Variants in DAD1 observed in about 807,000 individuals in gnomAD.
DAD1 encodes the protein dolichyl-diphosphooligosaccharide--protein glycosyltransferase subunit DAD1.
In DAD1, 4 loss-of-function variants were observed where a neutral mutation model predicts 9.0. The ratio of observed to expected loss-of-function variants is 0.44; its 90% CI spans 0.22 to 1.01. The LOEUF (loss-of-function observed/expected upper bound fraction) is 1.01. DAD1 is among the 50% of genes least tolerant of loss of function. DAD1 has a pLI of 0.24. For synonymous variants in DAD1, 60 were observed against 62.5 expected (o/e 0.96, Z 0.19); for missense variants, 119 against 137.3 (o/e 0.87, Z 0.67).
chr14:22,580,172 T>G (rs1428937045), intron 1 of DAD1, among the ~76,000 whole-genome samples: 1 of 152,036 alleles, frequency 6.6e-6, no homozygotes, highest in African/African-American at 2.4e-5. Flanking sequence ...AACCCCAGCA[T>G]GTTGTGAAAC....
At chr14:22,573,192 T>C (rs1184927012) in intron 2 of DAD1, among the ~76,000 whole-genome samples, 2 of 151,964 alleles carry the variant, frequency 1.3e-5, no homozygotes, top group African/African-American at 2.4e-5. Context: ...TTTTTTTTTT[T>C]AATTGAGATA....
intron 2 of DAD1, among the ~76,000 whole-genome samples, chr14:22,568,452 C>G (rs187963072): frequency 2.0e-5 from 3 of 152,134 alleles, no homozygotes; most frequent in Non-Finnish European, 1.5e-5. Flanking sequence ...GAATAAAAAG[C>G]AACGATTAAG....
chr14:22,572,893 T>C (rs1040027894), intron 2 of DAD1, among the ~76,000 whole-genome samples: 1 of 152,202 alleles, frequency 6.6e-6, no homozygotes, highest in African/African-American at 2.4e-5. Context: ...GTTACTCATA[T>C]TTGCAAGCGT....
intron 2 of DAD1, among the ~76,000 whole-genome samples, chr14:22,569,446 AAG>A (rs1491011545): frequency 6.6e-6 from 1 of 152,120 alleles, no homozygotes; most frequent in African/African-American, 2.4e-5. Flanking sequence ...AAAAAAAAAA[AAG>A]GTTTATTCAT....
rs1410076136 is a variant in DAD1, at chr14:22,575,113, A to C, written c.332T>G (p.Phe111Cys). 1 of 1,613,962 alleles carries C rather than the reference A, an allele frequency of 6.2e-7. No individual in the cohort carries two copies. Residue 111 changes from phenylalanine to cysteine, a missense_variant, in exon 2 of 3, where the codon TTT becomes TGT. Transcript: ENST00000250498. ...STILHLVVMN[F>C]VG The stretch of plus-strand genomic sequence containing the variant: ...GTAAATGAGAATGATTCAGCCAACA[A>C]AGTTCATGACAACAAGGTGCAGGAT...
chr14:22,577,229 T>A (rs1225022736), intron 1 of DAD1, among the ~76,000 whole-genome samples: 1 of 151,936 alleles, frequency 6.6e-6, no homozygotes, highest in Non-Finnish European at 1.5e-5. Context: ...AGGTCAGGAG[T>A]TCGAGACCAG....
intron 1 of DAD1, among the ~76,000 whole-genome samples, chr14:22,586,072 GGCA>G (rs1219660305): frequency 6.6e-6 from 1 of 152,166 alleles, no homozygotes; most frequent in Non-Finnish European, 1.5e-5. Context: ...TGGACGTGGT[GGCA>G]GGCGCCTGCA....
chr14:22,584,402 G>A (rs1000917584), intron 1 of DAD1, among the ~76,000 whole-genome samples: 4 of 152,000 alleles, frequency 2.6e-5, no homozygotes, highest in Non-Finnish European at 4.4e-5. Flanking sequence ...TCAATCTGCT[G>A]GAGAGTCAGG....
Position 22,575,251 on chromosome 14 carries a change from C to T in DAD1, c.212-18G>A. The T allele has an allele frequency of 6.2e-7, 1 of 1,608,154 alleles. No homozygotes were observed. Among genetic ancestry groups the T allele is most frequent in the South Asian group, 1.1e-5 (1 of 89,840 alleles). On this transcript the variant is annotated intron_variant, in intron 1 of 2. Transcript: ENST00000250498. ...CAGGCAAACTGCACAAGAAGCAAAA[C>T]ACAAAAAAATGATTATATAGAAGTA...
intron 1 of DAD1, among the ~76,000 whole-genome samples, chr14:22,588,237 G>C (rs550882612): frequency 6.6e-6 from 1 of 152,372 alleles, no homozygotes; most frequent in East Asian, 1.9e-4. Context: ...GGTGATACCA[G>C]TGATAGAGGC....
At chr14:22,588,826 A>G in intron 1 of DAD1, 121 bp downstream of exon 1, 2 of 971,996 alleles carry the variant, frequency 2.1e-6, no homozygotes, top group Non-Finnish European at 1.5e-6. Flanking sequence ...TCACAACAAA[A>G]GGGCAATGCA....
At chr14:22,573,336 A>C (rs1231992795) in intron 2 of DAD1, among the ~76,000 whole-genome samples, 1 of 152,090 alleles carries the variant, frequency 6.6e-6, no homozygotes, top group African/African-American at 2.4e-5. Flanking sequence ...TATTCCCAAC[A>C]ACAAGACATT....
At position 22,585,409 on chromosome 14, in the gene DAD1, G is replaced by A. The variant is rs887963132; in HGVS notation, c.211+3538C>T. ...GGGCAAAAAAGGAAACTAAAGGGTT[G>A]CCAACACTGGAATATAACTCTAAAA... On this transcript the variant is annotated intron_variant, in intron 1 of 2. Coordinates refer to ENST00000250498, the MANE Select transcript of DAD1 (RefSeq NM_001344.4). 2.0e-5 allele frequency among the ~76,000 whole-genome samples: 3 copies of A among 152,190 alleles called. No individual in the cohort carries two copies. The East Asian group carries it at 5.8e-4, about 29-fold the overall frequency.
chr14:22,589,214 A>C lies in DAD1; in HGVS notation c.-57T>G, dbSNP rs2037176182. ...CAAACTCTTGGAGGACCCGTCGACC[A>C]CACCGGATGTGCTGTTTGCGCATGC... On this transcript the variant is annotated 5_prime_UTR_variant, in exon 1 of 3. Coordinates refer to ENST00000250498, the MANE Select transcript of DAD1 (RefSeq NM_001344.4). The C allele has an allele frequency of 7.6e-6, 12 of 1,578,950 alleles. No homozygotes were observed. The highest frequency in any genetic ancestry group is 1.0e-5 in the Non-Finnish European group (12 of 1,151,054).
intron 1 of DAD1, among the ~76,000 whole-genome samples, chr14:22,586,987 T>G (rs542767600): frequency 1.3e-5 from 2 of 152,334 alleles, no homozygotes; most frequent in South Asian, 4.1e-4. Flanking sequence ...TTGGCCCCAT[T>G]ACTAATATGC....
intron 1 of DAD1, among the ~76,000 whole-genome samples, chr14:22,585,834 T>G (rs747926377): frequency 6.6e-6 from 1 of 151,868 alleles, no homozygotes; most frequent in Admixed American, 6.6e-5. Context: ...CAAAAAAAAA[T>G]AGAGAAGATT....
In DAD1 at chr14:22,589,224, T is replaced by A. The variant is rs538033642; in HGVS notation, c.-67A>T. 231 of 1,552,554 alleles carry A rather than the reference T, an allele frequency of 1.5e-4. 6 individuals are homozygous for A. In the South Asian group the frequency reaches 2.5e-3, roughly 17 times the overall value. On this transcript the variant is annotated 5_prime_UTR_variant, in exon 1 of 3. Transcript: ENST00000250498. The stretch of plus-strand genomic sequence containing the variant: ...GAGGACCCGTCGACCACACCGGATG[T>A]GCTGTTTGCGCATGCGCACCCTCGT...
intron 2 of DAD1, among the ~76,000 whole-genome samples, chr14:22,572,595 C>A (rs2037048908): frequency 6.6e-6 from 1 of 152,164 alleles, no homozygotes; most frequent in Non-Finnish European, 1.5e-5. Context: ...TTAATATGGT[C>A]TGCAGTACAC....
intron 1 of DAD1, among the ~76,000 whole-genome samples, chr14:22,588,353 T>C (rs1308952545): frequency 6.6e-6 from 1 of 152,188 alleles, no homozygotes; most frequent in Non-Finnish European, 1.5e-5. Flanking sequence ...TCTACAAGGT[T>C]ACCAAATCCT....
Sources: allele counts gnomAD v4.1 joint callset (sites outside exome capture counted in the v4.1 genomes callset), GRCh38; gene constraint gnomAD v4.1.1; transcripts MANE v1.5; gene names NCBI Gene and HGNC (gene_info 2026-07-23, HGNC 2026-07-21).